TBC1D12: variants seen among roughly 807,000 people sequenced by gnomAD.
The protein encoded by TBC1D12 is TBC1 domain family member 12.
Under a neutral mutation model 86.7 loss-of-function variants are expected in TBC1D12, and 56 were observed. The observed-to-expected ratio is 0.65, with a 90% CI of 0.52 to 0.81. The LOEUF is 0.81. Ranked by LOEUF, TBC1D12 falls within the 30% of genes least tolerant of loss-of-function variation. The pLI is 0.00. For synonymous variants in TBC1D12, 421 were observed against 411.7 expected (o/e 1.02, Z -0.27); for missense variants, 1,023 against 1,038.8 (o/e 0.98, Z 0.21).
At chr10:94,479,032 A>C (rs1307404190) in intron 3 of TBC1D12, among the ~76,000 whole-genome samples, 3 of 152,238 alleles carry the variant, frequency 2.0e-5, no homozygotes, top group Non-Finnish European at 4.4e-5. Context: ...AGGTAAATGA[A>C]ATACAGCTAT....
At chr10:94,458,622 T>C (rs75009872) in intron 2 of TBC1D12, among the ~76,000 whole-genome samples, 3,334 of 152,144 alleles carry the variant, frequency 0.022, 124 homozygotes, top group African/African-American at 0.074. Flanking sequence ...TTAAAGATGG[T>C]GTGTCCGGAA....
chr10:94,438,118 C>T (rs1156557489), intron 1 of TBC1D12, among the ~76,000 whole-genome samples: 1 of 148,768 alleles, frequency 6.7e-6, no homozygotes, highest in Non-Finnish European at 1.5e-5. Context: ...CATACTTTCC[C>T]GTTTCTTGGT....
At chr10:94,442,073 CTTCTTCTTCT>C in intron 2 of TBC1D12, 54 bp downstream of exon 2, 1 of 1,398,324 alleles carries the variant, frequency 7.2e-7, no homozygotes, top group South Asian at 1.4e-5. Context: ...CATTCTTCTT[CTTCTTCTTCT>C]TTTTTTTTTT....
intron 6 of TBC1D12, among the ~76,000 whole-genome samples, chr10:94,502,391 A>C (rs2056409364): frequency 1.3e-5 from 2 of 151,714 alleles, no homozygotes; most frequent in Admixed American, 1.3e-4. Context: ...AATTAGAATA[A>C]TATCAAATAG....
rs1280258142 is a variant in TBC1D12, at chr10:94,477,993, CAG to C, written c.1211+3213_1211+3214del. On this transcript the variant is annotated intron_variant, in intron 3 of 12. Transcript: ENST00000225235. ...TTTGCCATGACTTGTAGAAAAGAAA[CAG>C]AGGAGCTAGGCATGGTGGCTCACAT... Among the ~76,000 whole-genome samples, 5 of 152,306 alleles carry C rather than the reference CAG, an allele frequency of 3.3e-5. No individual in the cohort carries two copies. The East Asian group carries it at 9.6e-4, about 29-fold the overall frequency.
At chr10:94,442,143 G>A in intron 2 of TBC1D12, 124 bp downstream of exon 2, 1 of 1,091,260 alleles carries the variant, frequency 9.2e-7, no homozygotes, top group Non-Finnish European at 1.2e-6. Context: ...TCTAGATACA[G>A]ACTTTTGGGA....
At position 94,531,311 on chromosome 10, in the gene TBC1D12, C is replaced by T; in HGVS notation, c.2110C>T (p.Leu704Phe). ...EFLFRTGLGI[L>F]RLYEDILLQM... ...TTTATTTAGGACTGGATTAGGAATC[C>T]TCCGATTATATGAAGATATTCTCCT... is the stretch of plus-strand genomic sequence containing the variant. Residue 704 changes from leucine (L) to phenylalanine (F), a missense_variant, in exon 12 of 13, where the codon CTC becomes TTC. Physicochemically the swap from Leu to Phe is conservative, Grantham distance 22 (BLOSUM62 0). Coordinates refer to ENST00000225235, the MANE Select transcript of TBC1D12 (RefSeq NM_015188.2). 6.2e-7 allele frequency: 1 copy of T among 1,614,052 alleles called. No homozygotes were observed. The highest frequency in any genetic ancestry group is 8.5e-7 in the Non-Finnish European group (1 of 1,180,010).
chr10:94,505,133 G>C (rs1221837227), intron 6 of TBC1D12, among the ~76,000 whole-genome samples: 3 of 151,976 alleles, frequency 2.0e-5, no homozygotes, highest in East Asian at 1.9e-4. Flanking sequence ...TAAAATTTGG[G>C]TATAATATTG....
chr10:94,516,750 T>G (rs926625475), intron 9 of TBC1D12, among the ~76,000 whole-genome samples: 2 of 152,072 alleles, frequency 1.3e-5, no homozygotes, highest in Admixed American at 6.6e-5. Context: ...TCCTTTAGCT[T>G]TATTGAATAC....
chr10:94,524,406 CACAT>C (rs1224656289), intron 11 of TBC1D12, among the ~76,000 whole-genome samples: 13 of 152,172 alleles, frequency 8.5e-5, no homozygotes, highest in African/African-American at 3.1e-4. Context: ...GTTTCTACCA[CACAT>C]ACTTTTTTTC....
chr10:94,488,273 A>T (rs2056197705), intron 3 of TBC1D12, among the ~76,000 whole-genome samples: 1 of 151,070 alleles, frequency 6.6e-6, no homozygotes. Context: ...CTGTAATCTC[A>T]GCTACTTGGG....
chr10:94,524,936 C>T (rs965813000), intron 11 of TBC1D12, among the ~76,000 whole-genome samples: 2 of 152,000 alleles, frequency 1.3e-5, no homozygotes, highest in South Asian at 4.2e-4. Flanking sequence ...AGCATTCCTC[C>T]CACCTCAGCC....
intron 11 of TBC1D12, among the ~76,000 whole-genome samples, chr10:94,527,082 TTGTGTG>T (rs60647037): frequency 1.3e-5 from 2 of 148,250 alleles, no homozygotes; most frequent in East Asian, 2.0e-4. Context: ...GCTGGATTGA[TTGTGTG>T]TGTGTGTGTG....
intron 2 of TBC1D12, among the ~76,000 whole-genome samples, chr10:94,453,166 G>C (rs1250326110): frequency 2.6e-5 from 4 of 152,052 alleles, no homozygotes; most frequent in Non-Finnish European, 4.4e-5. Flanking sequence ...TGTATATTTT[G>C]GATAACAGTC....
intron 1 of TBC1D12, among the ~76,000 whole-genome samples, chr10:94,411,251 T>G (rs113895546): frequency 1.8e-4 from 27 of 152,192 alleles, no homozygotes; most frequent in Non-Finnish European, 2.4e-4. Flanking sequence ...TTTTTCTTAT[T>G]TCTTTGAGGT....
intron 5 of TBC1D12, among the ~76,000 whole-genome samples, chr10:94,498,990 C>T (rs780595491): frequency 2.0e-5 from 3 of 151,984 alleles, no homozygotes; most frequent in Admixed American, 6.6e-5. Context: ...AGGCTGGTCT[C>T]GAACTTTTGG....
At chr10:94,514,869 A>AT (rs1165650732) in intron 9 of TBC1D12, among the ~76,000 whole-genome samples, 2 of 145,170 alleles carry the variant, frequency 1.4e-5, no homozygotes, top group Non-Finnish European at 3.0e-5. Context: ...AGCTGTACTA[A>AT]TTTACATTCC....
At chr10:94,476,615 T>A (rs2055991655) in intron 3 of TBC1D12, among the ~76,000 whole-genome samples, 1 of 152,168 alleles carries the variant, frequency 6.6e-6, no homozygotes, top group East Asian at 1.9e-4. Flanking sequence ...GTAGATAAGT[T>A]CCCAGAAGAG....
intron 2 of TBC1D12, among the ~76,000 whole-genome samples, chr10:94,447,028 G>A (rs1349399597): frequency 3.5e-5 from 5 of 143,660 alleles, no homozygotes; most frequent in Admixed American, 1.4e-4. Context: ...AGCCGAGGTC[G>A]TGCCACTGCA....
Sources: allele counts gnomAD v4.1 joint callset (sites outside exome capture counted in the v4.1 genomes callset), GRCh38; gene constraint gnomAD v4.1.1; transcripts MANE v1.5; gene names NCBI Gene and HGNC (gene_info 2026-07-23, HGNC 2026-07-21).